Variants in NRG1 observed in about 807,000 individuals in gnomAD.
The protein encoded by NRG1 is neuregulin 1.
In NRG1, 18 loss-of-function variants were observed where a neutral mutation model predicts 63.8. The ratio of observed to expected loss-of-function variants is 0.28; its 90% CI spans 0.19 to 0.42. NRG1 has a LOEUF of 0.42. NRG1 is among the 10% of genes least tolerant of loss of function. The probability of loss-of-function intolerance (pLI) is 1.00; values close to 1 mark genes in which losing one functional copy is unlikely to be tolerated. For missense variants in NRG1, 762 were observed against 814.7 expected, an observed-to-expected ratio of 0.94 and a Z score of 0.79; for synonymous variants, 302 against 301.3, an observed-to-expected ratio of 1.00 and a Z score of -0.02.
chr8:32,036,610 C>T (rs1276889754), intron 1 of NRG1, among the ~76,000 whole-genome samples: 3 of 152,138 alleles, frequency 2.0e-5, no homozygotes, highest in Non-Finnish European at 4.4e-5. Flanking sequence ...CCATAGTTCA[C>T]AGAGGTTTTG....
At chr8:32,704,597 G>T (rs1282316982) in intron 5 of NRG1, among the ~76,000 whole-genome samples, 1 of 152,142 alleles carries the variant, frequency 6.6e-6, no homozygotes, top group South Asian at 2.1e-4. Context: ...AGAATCCTTG[G>T]TTTCCCAAGG....
intron 1 of NRG1, among the ~76,000 whole-genome samples, chr8:31,833,011 C>T (rs1404970537): frequency 6.6e-6 from 1 of 152,090 alleles, no homozygotes. Context: ...CAGCCTCCTC[C>T]AACAAAGGTT....
At chr8:32,756,566 C>G in intron 9 of NRG1, 37 bp downstream of exon 9, 1 of 1,590,362 alleles carries the variant, frequency 6.3e-7, no homozygotes, top group Non-Finnish European at 8.5e-7. Flanking sequence ...AACTGAGCCT[C>G]TCTCCTTTGT....
At chr8:32,409,651 A>C (rs887925608) in intron 1 of NRG1, among the ~76,000 whole-genome samples, 3 of 152,162 alleles carry the variant, frequency 2.0e-5, no homozygotes, top group Non-Finnish European at 4.4e-5. Flanking sequence ...GAGCAGGTAC[A>C]GTTAATGGAA....
Position 32,752,463 on chromosome 8 carries a change from A to G in NRG1, c.692-1909A>G, listed in dbSNP as rs371091253. Reference sequence around the variant, plus strand: ...TCAATATCTCCTGGTACATTGTTTCACCGCAATGCACCAGCCGCTTCGCTT... The same window carrying G: ...TCAATATCTCCTGGTACATTGTTTCGCCGCAATGCACCAGCCGCTTCGCTT... On this transcript the variant is annotated intron_variant, in intron 7 of 11. Transcript: ENST00000356819. Among the ~76,000 whole-genome samples the G allele has an allele frequency of 2.6e-5, 4 of 152,150 alleles. No individual in the cohort carries two copies. The East Asian group carries it at 5.8e-4, about 22-fold the overall frequency.
At chr8:32,619,926 C>T (rs994048356) in intron 5 of NRG1, among the ~76,000 whole-genome samples, 1 of 151,996 alleles carries the variant, frequency 6.6e-6, no homozygotes, top group Non-Finnish European at 1.5e-5. Context: ...ATAAACCAGT[C>T]GTGGCAGGAA....
chr8:31,943,430 A>G (rs1484509863), intron 1 of NRG1, among the ~76,000 whole-genome samples: 3 of 152,112 alleles, frequency 2.0e-5, no homozygotes, highest in Non-Finnish European at 4.4e-5. Context: ...CACTGGGTAC[A>G]GTGTACACTG....
intron 5 of NRG1, among the ~76,000 whole-genome samples, chr8:32,704,269 A>G (rs1589303076): frequency 1.3e-5 from 2 of 152,310 alleles, no homozygotes; most frequent in South Asian, 4.1e-4. Context: ...ATTTTTAGTG[A>G]TTTGTTGAGC....
chr8:32,459,886 T>A (rs1822102382), intron 1 of NRG1, among the ~76,000 whole-genome samples: 1 of 152,232 alleles, frequency 6.6e-6, no homozygotes, highest in Non-Finnish European at 1.5e-5. Context: ...TGGTATCTTG[T>A]TTAGTCAGAT....
intron 1 of NRG1, among the ~76,000 whole-genome samples, chr8:32,293,107 T>TATAAAATAAAATAAA (rs74809250): frequency 6.6e-6 from 1 of 150,694 alleles, no homozygotes; most frequent in Non-Finnish European, 1.5e-5. Context: ...ACGTCTAAAA[T>TATAAAATAAAATAAA]ATAAAATAAA....
intron 5 of NRG1, among the ~76,000 whole-genome samples, chr8:32,703,450 G>T (rs184860594): frequency 1.4e-5 from 2 of 139,944 alleles, no homozygotes; most frequent in South Asian, 2.2e-4. Context: ...ATGGAGTCTC[G>T]CTGTGTCGCT....
intron 7 of NRG1, among the ~76,000 whole-genome samples, chr8:32,746,862 T>G (rs1179404950): frequency 7.1e-6 from 1 of 140,514 alleles, no homozygotes. Flanking sequence ...TGTTCGTGTA[T>G]TCTGCTTTTT....
rs373923521 is a variant in NRG1, at chr8:32,102,124, A to G, written c.37+462693A>G. ...CTTGCTTTCAAATACACTTTTAACA[A>G]TACAAAAGAATAATTGAAGACTTTT... On this transcript the variant is annotated intron_variant, in intron 1 of 10. Transcript: ENST00000519301. Among the ~76,000 whole-genome samples, 9 of 152,300 alleles carry G rather than the reference A, an allele frequency of 5.9e-5. 1 individual carries two copies. Among genetic ancestry groups the G allele is most frequent in the African/African-American group, 1.9e-4 (8 of 41,576 alleles).
At chr8:32,740,363 T>G (rs562739038) in intron 6 of NRG1, among the ~76,000 whole-genome samples, 8 of 152,084 alleles carry the variant, frequency 5.3e-5, no homozygotes, top group Non-Finnish European at 8.8e-5. Flanking sequence ...ACCCAGCTAT[T>G]TTTCATATTT....
intron 1 of NRG1, among the ~76,000 whole-genome samples, chr8:32,233,559 ATATAT>A (rs1378984131): frequency 7.4e-5 from 5 of 67,460 alleles, no homozygotes; most frequent in East Asian, 2.8e-4. Flanking sequence ...ATATATATAT[ATATAT>A]TTTTTTTTTT....
chr8:32,719,777 T>C (rs1295358331), intron 5 of NRG1, among the ~76,000 whole-genome samples: 1 of 152,118 alleles, frequency 6.6e-6, no homozygotes, highest in Non-Finnish European at 1.5e-5. Context: ...AACTTTTTTT[T>C]AAAGAAACCA....
chr8:31,742,787 A>G (rs1432852732), intron 1 of NRG1, among the ~76,000 whole-genome samples: 2 of 151,928 alleles, frequency 1.3e-5, no homozygotes, highest in Admixed American at 6.6e-5. Flanking sequence ...TGTGGCTTCT[A>G]AGGTCTCTGT....
intron 1 of NRG1, among the ~76,000 whole-genome samples, chr8:31,789,845 C>T (rs982974568): frequency 3.3e-5 from 5 of 152,112 alleles, no homozygotes; most frequent in African/African-American, 1.2e-4. Flanking sequence ...CCTCTGGTTT[C>T]TTTATTAGCA....
At chr8:32,608,489 C>T (rs992359612) in intron 3 of NRG1, among the ~76,000 whole-genome samples, 1 of 152,066 alleles carries the variant, frequency 6.6e-6, no homozygotes, top group African/African-American at 2.4e-5. Flanking sequence ...CAGGTGTGAG[C>T]CGCTGCGCCC....
Sources: allele counts gnomAD v4.1 joint callset (sites outside exome capture counted in the v4.1 genomes callset), GRCh38; gene constraint gnomAD v4.1.1; transcripts MANE v1.5; gene names NCBI Gene and HGNC (gene_info 2026-07-23, HGNC 2026-07-21).